Variants in CCSER1 observed in about 807,000 individuals in gnomAD.
CCSER1 encodes the protein coiled-coil serine rich protein 1.
Under a neutral mutation model 82.0 loss-of-function variants are expected in CCSER1, and 41 were observed. The ratio of observed to expected loss-of-function variants is 0.50; its 90% CI spans 0.39 to 0.65. The LOEUF (loss-of-function observed/expected upper bound fraction) is 0.65. Ranked by LOEUF, CCSER1 falls within the 30% of genes least tolerant of loss-of-function variation. The pLI is 0.00. For synonymous variants in CCSER1, 414 were observed against 383.9 expected (o/e 1.08, Z -0.92); for missense variants, 1,119 against 1,064.2 (o/e 1.05, Z -0.72).
At chr4:90,790,391 T>C (rs2149656521) in intron 7 of CCSER1, among the ~76,000 whole-genome samples, 1 of 152,324 alleles carries the variant, frequency 6.6e-6, no homozygotes, top group Non-Finnish European at 1.5e-5. Flanking sequence ...TTTTGGTTTC[T>C]CTTTGCCAAG....
At chr4:90,312,801 G>A (rs1735537676) in intron 2 of CCSER1, 62 bp from the exon 3 acceptor site, 2 of 1,250,504 alleles carry the variant, frequency 1.6e-6, no homozygotes, top group East Asian at 5.1e-5. Flanking sequence ...CTTTCAGTGG[G>A]ACATTTGTAA....
intron 10 of CCSER1, among the ~76,000 whole-genome samples, chr4:91,545,320 G>A (rs919851832): frequency 2.0e-5 from 3 of 152,034 alleles, no homozygotes; most frequent in Non-Finnish European, 4.4e-5. Flanking sequence ...TGGTCTGTGT[G>A]CTGCACCCAC....
intron 10 of CCSER1, among the ~76,000 whole-genome samples, chr4:91,403,119 T>C (rs1212070376): frequency 1.3e-5 from 2 of 152,218 alleles, no homozygotes; most frequent in African/African-American, 4.8e-5. Flanking sequence ...ACATCTCTTA[T>C]AAGTTGGATT....
intron 5 of CCSER1, among the ~76,000 whole-genome samples, chr4:90,607,668 C>CT (rs1396061214): frequency 6.6e-6 from 1 of 152,126 alleles, no homozygotes; most frequent in African/African-American, 2.4e-5. Context: ...CTGTGTTGAC[C>CT]TTATCTTAAC....
chr4:90,933,557 T>A (rs2150305231), intron 9 of CCSER1, among the ~76,000 whole-genome samples: 1 of 152,140 alleles, frequency 6.6e-6, no homozygotes, highest in Non-Finnish European at 1.5e-5. Context: ...AGATTAACTT[T>A]TCTTTGCAGG....
chr4:90,782,494 G>A (rs1297136765), intron 7 of CCSER1, among the ~76,000 whole-genome samples: 1 of 152,078 alleles, frequency 6.6e-6, no homozygotes, highest in Admixed American at 6.6e-5. Flanking sequence ...TTTAGTGGGT[G>A]TTGAAACAAA....
At chr4:90,957,710 A>G (rs1441150764) in intron 9 of CCSER1, among the ~76,000 whole-genome samples, 1 of 139,728 alleles carries the variant, frequency 7.2e-6, no homozygotes, top group Non-Finnish European at 1.5e-5. Flanking sequence ...GTATATATAT[A>G]TATATATACC....
chr4:91,089,782 G>A (rs747057708), intron 10 of CCSER1, among the ~76,000 whole-genome samples: 7 of 152,088 alleles, frequency 4.6e-5, no homozygotes, highest in East Asian at 3.9e-4. Context: ...GATCAAATCC[G>A]TGCCACACTT....
intron 7 of CCSER1, among the ~76,000 whole-genome samples, chr4:90,753,749 A>G (rs1749079125): frequency 6.6e-6 from 1 of 152,102 alleles, no homozygotes; most frequent in Non-Finnish European, 1.5e-5. Flanking sequence ...CCTTCATATC[A>G]AACGCAAGAT....
chr4:90,457,002 G>GC (rs942897840), intron 4 of CCSER1, among the ~76,000 whole-genome samples: 5 of 152,190 alleles, frequency 3.3e-5, no homozygotes, highest in African/African-American at 1.2e-4. Flanking sequence ...CAGATCCGAT[G>GC]CCTGCCAATG....
At chr4:91,169,870 C>A (rs1732570601) in intron 10 of CCSER1, among the ~76,000 whole-genome samples, 1 of 152,066 alleles carries the variant, frequency 6.6e-6, no homozygotes, top group African/African-American at 2.4e-5. Flanking sequence ...TGATAGAATT[C>A]AATTGTATTG....
intron 10 of CCSER1, among the ~76,000 whole-genome samples, chr4:91,352,641 C>T (rs899429039): frequency 6.6e-6 from 1 of 152,198 alleles, no homozygotes; most frequent in Admixed American, 6.5e-5. Context: ...CTTGCCTATA[C>T]TGTATAAAAC....
chr4:91,406,769 T>G (rs538666262), intron 10 of CCSER1, among the ~76,000 whole-genome samples: 137 of 152,352 alleles, frequency 9.0e-4, no homozygotes, highest in African/African-American at 3.1e-3. Context: ...TTTATTATAT[T>G]GTTATCCATG....
intron 8 of CCSER1, among the ~76,000 whole-genome samples, chr4:90,880,269 A>T (rs1721101488): frequency 6.6e-6 from 1 of 151,718 alleles, no homozygotes; most frequent in Admixed American, 6.6e-5. Flanking sequence ...AGAGGAAGGA[A>T]CCTTAGTAGT....
chr4:90,796,375 T>A (rs1308417806), intron 7 of CCSER1, among the ~76,000 whole-genome samples: 1 of 151,586 alleles, frequency 6.6e-6, no homozygotes, highest in Non-Finnish European at 1.5e-5. Context: ...ATTATCTCTT[T>A]TCTTCATTAG....
At chr4:91,379,146 A>G (rs1578312047) in intron 10 of CCSER1, among the ~76,000 whole-genome samples, 2 of 152,152 alleles carry the variant, frequency 1.3e-5, no homozygotes, top group African/African-American at 2.4e-5. Flanking sequence ...TGCTGGATTC[A>G]GTTTGCCACG....
At chr4:90,177,443 A>G (rs560369399) in intron 1 of CCSER1, among the ~76,000 whole-genome samples, 10 of 152,252 alleles carry the variant, frequency 6.6e-5, no homozygotes, top group African/African-American at 2.2e-4. Context: ...CAGGTCTCCA[A>G]TTAGGGGTGG....
At chr4:90,838,976 G>A (rs1241834622) in intron 8 of CCSER1, 13 of 1,613,036 alleles carry the variant, frequency 8.1e-6, no homozygotes, top group Non-Finnish European at 1.0e-5. Context: ...TTGCGTCTCT[G>A]TCTTCTTCAG....
chr4:90,784,232 G>A (rs888142706), intron 7 of CCSER1, among the ~76,000 whole-genome samples: 1 of 152,252 alleles, frequency 6.6e-6, no homozygotes, highest in East Asian at 1.9e-4. Flanking sequence ...TCATATGCAC[G>A]TGACTAGCTG....
Sources: allele counts gnomAD v4.1 joint callset (sites outside exome capture counted in the v4.1 genomes callset), GRCh38; gene constraint gnomAD v4.1.1; transcripts MANE v1.5; gene names NCBI Gene and HGNC (gene_info 2026-07-23, HGNC 2026-07-21).